CREB3L1: variants seen among roughly 807,000 people sequenced by gnomAD.
The protein encoded by CREB3L1 is cAMP responsive element binding protein 3 like 1.
Under a neutral mutation model 54.5 loss-of-function variants are expected in CREB3L1, and 33 were observed. That is an observed-to-expected ratio of 0.61 (90% CI 0.46 to 0.81). The LOEUF is 0.81. Among genes scored for constraint, CREB3L1 ranks in the 30% least tolerant of loss-of-function variants. CREB3L1 has a pLI of 0.00. For synonymous variants in CREB3L1, 284 were observed against 286.4 expected (o/e 0.99, Z 0.08); for missense variants, 656 against 673.3 (o/e 0.97, Z 0.29).
intron 1 of CREB3L1, among the ~76,000 whole-genome samples, chr11:46,286,437 T>C (rs1176082407): frequency 6.6e-6 from 1 of 152,224 alleles, no homozygotes; most frequent in Non-Finnish European, 1.5e-5. Flanking sequence ...TGGTAGAATA[T>C]ATAGACTGTA....
intron 4 of CREB3L1, 178 bp from the exon 5 acceptor site, chr11:46,310,854 G>A: frequency 2.2e-6 from 2 of 900,926 alleles, no homozygotes; most frequent in South Asian, 2.5e-5. Flanking sequence ...CTACCCAGAT[G>A]TCAACTGTCT....
intron 10 of CREB3L1, among the ~76,000 whole-genome samples, chr11:46,319,878 CA>C (rs75400988): frequency 0.18 from 22,560 of 122,530 alleles, 2,071 homozygotes; most frequent in African/African-American, 0.3. Context: ...GACTCTGTCT[CA>C]AAAAAAAAAA....
intron 1 of CREB3L1, among the ~76,000 whole-genome samples, chr11:46,279,845 T>G (rs911235800): frequency 6.6e-6 from 1 of 152,228 alleles, no homozygotes; most frequent in African/African-American, 2.4e-5. Context: ...GGCTTTCTTC[T>G]GAATGAACTC....
chr11:46,297,059 C>A (rs915252572), intron 1 of CREB3L1, among the ~76,000 whole-genome samples: 34 of 152,278 alleles, frequency 2.2e-4, no homozygotes, highest in African/African-American at 7.9e-4. Context: ...TGGAGAAATA[C>A]CTTAGCGGCT....
At chr11:46,307,518 T>C (rs1242745508) in intron 2 of CREB3L1, among the ~76,000 whole-genome samples, 3 of 152,184 alleles carry the variant, frequency 2.0e-5, no homozygotes, top group Admixed American at 1.3e-4. Flanking sequence ...ATTTTGCAGA[T>C]GAAGAAGCTC....
chr11:46,321,392 C>CA lies in CREB3L1; in HGVS notation c.*663dup, dbSNP rs879070508. The CA allele has an allele frequency of 7.4e-3, 1,021 of 137,800 alleles. 2 individuals carry two copies. The highest frequency in any genetic ancestry group is 0.011 in the East Asian group (96 of 8,740). 8.5% of individuals were successfully genotyped at this position (137,800 alleles called of 1,614,324 possible). ...AGCACATGCTTTAAGAAAGCAAAAC[C>CA]AAAAAAAAAAAAAAAAAGATGCAGC... On this transcript the variant is annotated 3_prime_UTR_variant, in exon 12 of 12. Coordinates refer to ENST00000621158, the MANE Select transcript of CREB3L1 (RefSeq NM_052854.4).
At chr11:46,308,915 A>ACAG (rs977679184) in intron 3 of CREB3L1, among the ~76,000 whole-genome samples, 1 of 152,232 alleles carries the variant, frequency 6.6e-6, no homozygotes, top group African/African-American at 2.4e-5. Context: ...GGATGGAGTG[A>ACAG]CAGCAGCAGC....
intron 2 of CREB3L1, among the ~76,000 whole-genome samples, chr11:46,303,688 G>A (rs1284676755): frequency 6.6e-6 from 1 of 151,788 alleles, no homozygotes. Flanking sequence ...TTTTCACTGT[G>A]CACATAAAAG....
chr11:46,289,154 G>T (rs559649136), intron 1 of CREB3L1, among the ~76,000 whole-genome samples: 1 of 152,258 alleles, frequency 6.6e-6, no homozygotes, highest in Admixed American at 6.5e-5. Context: ...GAGGCAGGCG[G>T]ATCACTTGAG....
chr11:46,278,789 T>C lies in CREB3L1; in HGVS notation c.102+576T>C, dbSNP rs1169540516. On this transcript the variant is annotated intron_variant, in intron 1 of 11. Coordinates refer to ENST00000621158, the MANE Select transcript of CREB3L1 (RefSeq NM_052854.4). The surrounding 1 kb of genome is among the most constrained non-coding windows in gnomAD (Gnocchi z 4.2). Reference sequence around the variant, plus strand: ...CTGGGAAGAGGCGGTCAGGGCAACATAGGGTGATGGCTCAGGAGGAGGGAG... The same window carrying C: ...CTGGGAAGAGGCGGTCAGGGCAACACAGGGTGATGGCTCAGGAGGAGGGAG... Among the ~76,000 whole-genome samples, 1 of 152,132 alleles carries C rather than the reference T, an allele frequency of 6.6e-6. No homozygotes were observed. The highest frequency in any genetic ancestry group is 1.5e-5 in the Non-Finnish European group (1 of 67,996).
intron 8 of CREB3L1, among the ~76,000 whole-genome samples, chr11:46,314,431 T>C (rs1939535817): frequency 6.6e-6 from 1 of 152,064 alleles, no homozygotes; most frequent in African/African-American, 2.4e-5. Flanking sequence ...CTGTTGCCCA[T>C]GCTGGAGCGT....
rs957154058 is a variant in CREB3L1, at chr11:46,302,789, C to T, written c.331+2626C>T. ...CGAGGTCAGGAGTTCGAAACCTGCC[C>T]GACCAACATGGTGAAACCCCATCTC... On this transcript the variant is annotated intron_variant, in intron 2 of 11. Coordinates refer to ENST00000621158, the MANE Select transcript of CREB3L1 (RefSeq NM_052854.4). Among the ~76,000 whole-genome samples, 7 of 152,050 alleles carry T rather than the reference C, an allele frequency of 4.6e-5. No homozygotes were observed. The Middle Eastern group carries it at 0.01, about 222-fold the overall frequency.
chr11:46,302,822 A>C (rs1019932039), intron 2 of CREB3L1, among the ~76,000 whole-genome samples: 16 of 152,128 alleles, frequency 1.1e-4, no homozygotes, highest in Non-Finnish European at 2.1e-4. Context: ...CTCTACTAAA[A>C]ATACAAAAAT....
At chr11:46,291,681 G>A (rs769250165) in intron 1 of CREB3L1, among the ~76,000 whole-genome samples, 14 of 152,186 alleles carry the variant, frequency 9.2e-5, no homozygotes, top group Non-Finnish European at 1.8e-4. Flanking sequence ...GGGAAGGAAG[G>A]CAGAGACAGC....
intron 1 of CREB3L1, among the ~76,000 whole-genome samples, chr11:46,280,149 G>C (rs1938945397): frequency 6.6e-6 from 1 of 151,864 alleles, no homozygotes; most frequent in Non-Finnish European, 1.5e-5. Context: ...GGACAATTCA[G>C]AAAAGTGACT....
At chr11:46,284,867 T>C (rs1939034341) in intron 1 of CREB3L1, among the ~76,000 whole-genome samples, 1 of 152,184 alleles carries the variant, frequency 6.6e-6, no homozygotes, top group East Asian at 1.9e-4. Context: ...GGATCTTTCA[T>C]ATCACAGGGT....
chr11:46,287,692 G>A (rs1939074180), intron 1 of CREB3L1, among the ~76,000 whole-genome samples: 1 of 152,094 alleles, frequency 6.6e-6, no homozygotes, highest in African/African-American at 2.4e-5. Context: ...ATAATCACAT[G>A]ATGGGACAGG....
At chr11:46,305,201 G>C (rs78727639) in intron 2 of CREB3L1, among the ~76,000 whole-genome samples, 1 of 152,124 alleles carries the variant, frequency 6.6e-6, no homozygotes, top group Non-Finnish European at 1.5e-5. Flanking sequence ...GGCTGACTTA[G>C]AGTGGAAGAC....
At chr11:46,301,879 A>C (rs1485331561) in intron 2 of CREB3L1, among the ~76,000 whole-genome samples, 1 of 152,012 alleles carries the variant, frequency 6.6e-6, no homozygotes, top group African/African-American at 2.4e-5. Flanking sequence ...TGAACACAGG[A>C]GGCAGAGGTT....
Sources: gnomAD v4.1 joint callset for allele counts (sites outside exome capture counted in the v4.1 genomes callset) on GRCh38, gnomAD v4.1.1 for gene constraint, Gnocchi (gnomAD v3.1) non-coding constraint, MANE v1.5 for transcripts, NCBI Gene and HGNC (gene_info 2026-07-23, HGNC 2026-07-21) for gene names.